The following ARAP2 variants were observed in gnomAD, a reference collection of about 807,000 sequenced individuals.
ARAP2 encodes the protein arf-GAP with Rho-GAP domain, ANK repeat and PH domain-containing protein 2.
ARAP2 carries 148 observed loss-of-function variants against 194.5 expected under a neutral mutation model. The ratio of observed to expected loss-of-function variants is 0.76; its 90% CI spans 0.67 to 0.87. ARAP2 has a LOEUF of 0.87. ARAP2 is among the 40% of genes least tolerant of loss of function. The probability of loss-of-function intolerance (pLI) is 0.00; values close to 1 mark genes in which losing one functional copy is unlikely to be tolerated. For missense variants in ARAP2, 2,128 were observed against 1,989.7 expected, an observed-to-expected ratio of 1.07 and a Z score of -1.32; for synonymous variants, 695 against 683.5, an observed-to-expected ratio of 1.02 and a Z score of -0.26.
intron 5 of ARAP2, among the ~76,000 whole-genome samples, chr4:36,035,480 C>T (rs899678506): frequency 2.0e-5 from 3 of 152,016 alleles, no homozygotes; most frequent in Admixed American, 1.3e-4. Context: ...TATGAAGGTT[C>T]TAGGATATGT....
rs147190196 is a variant in ARAP2, at chr4:36,121,393, A to C, written c.3747-67T>G. 126 of 1,433,042 alleles carry C rather than the reference A, an allele frequency of 8.8e-5. No homozygotes were observed. In the African/African-American group the frequency reaches 1.7e-3, roughly 19 times the overall value. 88.8% of individuals were successfully genotyped at this position (1,433,042 alleles called of 1,614,324 possible). On this transcript the variant is annotated intron_variant, in intron 22 of 32. Transcript: ENST00000303965. ...TGGAAATTTCATAGAACAGAAAGCC[A>C]GTTTATCAATTTTTAAACACAGCAA...
rs57167804 is a variant in ARAP2 at position 36,093,036 on chromosome 4, T to C, written c.4286-1016A>G. On this transcript the variant is annotated intron_variant, in intron 27 of 32. Transcript: ENST00000303965. ...AGTATTATGTGGCCATAAAAAGGAATAAGATCATGTCCTTTGCAGGGACAT... is the reference window on the plus strand; with the variant it reads ...AGTATTATGTGGCCATAAAAAGGAACAAGATCATGTCCTTTGCAGGGACAT... Among the ~76,000 whole-genome samples the C allele has an allele frequency of 5.5e-3, 837 of 152,224 alleles. 10 individuals are homozygous for C. Among genetic ancestry groups the C allele is most frequent in the African/African-American group, 0.019 (790 of 41,540 alleles).
chr4:36,144,015 C>G (rs149758806), intron 19 of ARAP2, among the ~76,000 whole-genome samples: 1,973 of 151,872 alleles, frequency 0.013, 34 homozygotes, highest in African/African-American at 0.044. Context: ...ACATTTAGTG[C>G]TCTGGCTTCC....
At chr4:36,186,550 C>T (rs1740618060) in intron 8 of ARAP2, among the ~76,000 whole-genome samples, 1 of 152,198 alleles carries the variant, frequency 6.6e-6, no homozygotes, top group African/African-American at 2.4e-5. Context: ...GGACTGGTAC[C>T]ATTACATGGT....
At chr4:36,056,308 G>A (rs950313791) in intron 2 of ARAP2, among the ~76,000 whole-genome samples, 4 of 152,154 alleles carry the variant, frequency 2.6e-5, no homozygotes, top group African/African-American at 9.7e-5. Context: ...CAGCATGAAC[G>A]TGAAACCTGG....
At chr4:36,226,965 CTTCTT>C (rs1323130058) in intron 2 of ARAP2, among the ~76,000 whole-genome samples, 2 of 152,174 alleles carry the variant, frequency 1.3e-5, no homozygotes, top group Admixed American at 1.3e-4. Context: ...TCTCATTCAC[CTTCTT>C]TTAATTATTC....
intron 5 of ARAP2, among the ~76,000 whole-genome samples, chr4:36,024,910 A>G (rs1717637650): frequency 6.6e-6 from 1 of 152,172 alleles, no homozygotes; most frequent in Admixed American, 6.6e-5. Context: ...CTAGTCCTTG[A>G]AAGGAATCTG....
chr4:36,071,897 G>T, intron 32 of ARAP2, among the ~76,000 whole-genome samples: 1 of 148,010 alleles, frequency 6.8e-6, no homozygotes, highest in African/African-American at 2.5e-5. Context: ...TCCCCTTCCT[G>T]TGTCCATGTG....
At chr4:36,136,816 T>TGTGTGCGTGC (rs796925392) in intron 19 of ARAP2, among the ~76,000 whole-genome samples, 4 of 145,280 alleles carry the variant, frequency 2.8e-5, no homozygotes, top group African/African-American at 1.0e-4. Context: ...TGTGTGTGTG[T>TGTGTGCGTGC]GTGCGTGTCT....
chr4:36,057,728 AAT>A (rs1723758252), intron 2 of ARAP2, among the ~76,000 whole-genome samples: 1 of 151,952 alleles, frequency 6.6e-6, no homozygotes, highest in African/African-American at 2.4e-5. Flanking sequence ...AGAATTATCC[AAT>A]ATTTTCTGTA....
At chr4:36,118,731 A>G (rs1419309477) in intron 24 of ARAP2, among the ~76,000 whole-genome samples, 1 of 151,432 alleles carries the variant, frequency 6.6e-6, no homozygotes, top group Non-Finnish European at 1.5e-5. Context: ...ATAATTGATA[A>G]TGACCTAGAT....
chr4:36,233,912 C>T (rs182327709), intron 1 of ARAP2, among the ~76,000 whole-genome samples: 1 of 152,354 alleles, frequency 6.6e-6, no homozygotes, highest in East Asian at 1.9e-4. Context: ...CGTATTCCTA[C>T]ACTATTTACT....
Position 36,128,696 on chromosome 4 carries a change from T to G in ARAP2, c.3477A>C (p.Ile1159=). Residue 1159 remains isoleucine (I), a synonymous_variant, in exon 21 of 33, where the codon ATA becomes ATC. Transcript: ENST00000303965. The stretch of plus-strand genomic sequence containing the variant: ...TTTTGAAACTCTCCAGGAGTTCACT[T>G]ATATGCAAAGGATCACCATTCTTTT... ...IYQKNGDPLH[I]SELLESFKKD... is the part of the protein sequence containing the mutation. 6.2e-7 allele frequency: 1 copy of G among 1,612,752 alleles called. No homozygotes were observed.
chr4:36,168,959 T>C (rs1735936985), intron 9 of ARAP2, among the ~76,000 whole-genome samples: 1 of 152,214 alleles, frequency 6.6e-6, no homozygotes, highest in East Asian at 1.9e-4. Flanking sequence ...TATACTTGAT[T>C]ATTATTTTTT....
At chr4:36,040,873 T>A (rs1303982355) in intron 5 of ARAP2, among the ~76,000 whole-genome samples, 2 of 152,272 alleles carry the variant, frequency 1.3e-5, no homozygotes, top group East Asian at 3.9e-4. Context: ...TCCAATACTA[T>A]GTTGTATAGG....
At chr4:36,160,093 A>T in intron 13 of ARAP2, 13 of 994,070 alleles carry the variant, frequency 1.3e-5, no homozygotes, top group Non-Finnish European at 1.6e-5. Context: ...GAACTGTTAG[A>T]ATCCTTTTTT....
intron 24 of ARAP2, among the ~76,000 whole-genome samples, 167 bp downstream of exon 24, chr4:36,119,483 A>G (rs896498460): frequency 1.3e-5 from 2 of 151,186 alleles, no homozygotes; most frequent in Non-Finnish European, 3.0e-5. Context: ...TATTTTGCAT[A>G]TATGTATCAG....
chr4:36,123,298 A>G (rs1723099670), intron 22 of ARAP2, among the ~76,000 whole-genome samples: 1 of 151,742 alleles, frequency 6.6e-6, no homozygotes, highest in South Asian at 2.1e-4. Flanking sequence ...TTACTGATGG[A>G]GGAAATACTC....
intron 9 of ARAP2, among the ~76,000 whole-genome samples, chr4:36,008,167 A>AT (rs1279160389): frequency 6.6e-6 from 1 of 152,046 alleles, no homozygotes; most frequent in African/African-American, 2.4e-5. Flanking sequence ...TACTAATGTC[A>AT]TTTTTTCACA....
Sources: gnomAD v4.1 joint callset for allele counts (sites outside exome capture counted in the v4.1 genomes callset) on GRCh38, gnomAD v4.1.1 for gene constraint, MANE v1.5 for transcripts, NCBI Gene and HGNC (gene_info 2026-07-23, HGNC 2026-07-21) for gene names.